The following SGCD variants were observed in gnomAD, a reference collection of about 807,000 sequenced individuals.
SGCD encodes sarcoglycan delta.
Under a neutral mutation model 36.6 loss-of-function variants are expected in SGCD, and 18 were observed. That is an observed-to-expected ratio of 0.49 (90% confidence interval 0.34 to 0.73). SGCD has a LOEUF of 0.73. Among genes scored for constraint, SGCD ranks in the 30% least tolerant of loss-of-function variants. The pLI is 0.01. For missense variants in SGCD, 387 were observed against 346.7 expected, an observed-to-expected ratio of 1.12 and a Z score of -0.92; for synonymous variants, 133 against 130.6, an observed-to-expected ratio of 1.02 and a Z score of -0.12.
At chr5:156,362,246 G>T (rs1393233317) in intron 3 of SGCD, among the ~76,000 whole-genome samples, 2 of 152,178 alleles carry the variant, frequency 1.3e-5, no homozygotes, top group African/African-American at 4.8e-5. Flanking sequence ...GATTTGTATG[G>T]TGTGATGCTT....
chr5:156,365,075 T>C (rs535236105), intron 3 of SGCD, among the ~76,000 whole-genome samples: 1 of 152,308 alleles, frequency 6.6e-6, no homozygotes, highest in African/African-American at 2.4e-5. Flanking sequence ...AGTATAAAAA[T>C]GTGCAACTCA....
chr5:155,739,185 A>G, the SGCD span, among the ~76,000 whole-genome samples: 2 of 152,208 alleles, frequency 1.3e-5, no homozygotes, highest in East Asian at 3.8e-4. Context: ...CTGCCCTTGA[A>G]GAATATGGAG....
intron 4 of SGCD, among the ~76,000 whole-genome samples, chr5:156,572,347 C>A: frequency 6.6e-6 from 1 of 152,114 alleles, no homozygotes; most frequent in South Asian, 2.1e-4. Flanking sequence ...GCAGTCGCAC[C>A]CTTTTACATT....
At chr5:156,029,944 C>T (rs1323112158) in intron 1 of SGCD, among the ~76,000 whole-genome samples, 6 of 152,168 alleles carry the variant, frequency 3.9e-5, no homozygotes, top group Non-Finnish European at 7.3e-5. Context: ...CCCCAGAAAG[C>T]CTTCGCCAAG....
At position 156,408,593 on chromosome 5, in the gene SGCD, A is replaced by G. The variant is rs571469503; in HGVS notation, c.192+63916A>G. Among the ~76,000 whole-genome samples, 6 of 152,280 alleles carry G rather than the reference A, an allele frequency of 3.9e-5. No individual in the cohort carries two copies. In the South Asian group the frequency reaches 1.2e-3, roughly 32 times the overall value. ...AGGCTGGTCTTGAGCTCCTGACCTC[A>G]GGTGATCCACCTACCTCCACCTCCC... On this transcript the variant is annotated intron_variant, in intron 3 of 8. Coordinates refer to ENST00000337851, the MANE Select transcript of SGCD (RefSeq NM_000337.6).
intron 3 of SGCD, among the ~76,000 whole-genome samples, chr5:156,202,447 G>A (rs534758329): frequency 6.6e-6 from 1 of 152,264 alleles, no homozygotes; most frequent in East Asian, 1.9e-4. Flanking sequence ...TGAAAGAGGT[G>A]TTAGGCTAAT....
chr5:156,123,492 AT>A (rs978883978), intron 2 of SGCD, among the ~76,000 whole-genome samples: 6 of 152,240 alleles, frequency 3.9e-5, no homozygotes, highest in South Asian at 2.1e-4. Context: ...TGTTAAACAC[AT>A]TGTTTTTGTA....
chr5:156,338,805 T>G (rs191920534), intron 2 of SGCD, among the ~76,000 whole-genome samples: 17 of 152,188 alleles, frequency 1.1e-4, no homozygotes, highest in Non-Finnish European at 1.6e-4. Flanking sequence ...CACTGAGGTG[T>G]TGGTGGTGGT....
intron 2 of SGCD, among the ~76,000 whole-genome samples, chr5:156,330,712 C>T (rs1768030300): frequency 6.6e-6 from 1 of 152,112 alleles, no homozygotes; most frequent in Non-Finnish European, 1.5e-5. Context: ...GGACTTCATA[C>T]ATGTGTTAAC....
chr5:156,183,015 C>T (rs1763646254), intron 3 of SGCD, among the ~76,000 whole-genome samples: 2 of 152,176 alleles, frequency 1.3e-5, no homozygotes, highest in Non-Finnish European at 1.5e-5. Flanking sequence ...CATGGTGGCT[C>T]ATGCCTGTAA....
At chr5:156,104,197 G>T (rs1461456972) in intron 1 of SGCD, among the ~76,000 whole-genome samples, 14 of 152,046 alleles carry the variant, frequency 9.2e-5, no homozygotes, top group Admixed American at 9.2e-4. Flanking sequence ...AGACTCTTAG[G>T]TTACATGAGA....
intron 3 of SGCD, among the ~76,000 whole-genome samples, chr5:156,441,955 C>A (rs1201764926): frequency 6.6e-6 from 1 of 152,098 alleles, no homozygotes; most frequent in Non-Finnish European, 1.5e-5. Context: ...ACTTTTCTAA[C>A]TGTGAAGTTA....
Position 156,695,112 on chromosome 5 carries a change from T to TTGTGTG in SGCD, c.575+47596_575+47601dup, listed in dbSNP as rs370137233. Among the ~76,000 whole-genome samples, 273 of 129,034 alleles carry TTGTGTG rather than the reference T, an allele frequency of 2.1e-3. 1 individual carries two copies. Among genetic ancestry groups the TTGTGTG allele is most frequent in the African/African-American group, 7.1e-3 (255 of 35,816 alleles). 84.7% of individuals were successfully genotyped at this position (129,034 alleles called of 152,430 possible). On this transcript the variant is annotated intron_variant, in intron 7 of 8. Coordinates refer to ENST00000337851, the MANE Select transcript of SGCD (RefSeq NM_000337.6). ...GTTCTTAATTTCAAAGGTACTGTGT[T>TTGTGTG]TGTGTGTGTGTGTGTGTGTGTGTGT...
At chr5:156,338,340 G>C (rs899036990) in intron 2 of SGCD, among the ~76,000 whole-genome samples, 1 of 152,174 alleles carries the variant, frequency 6.6e-6, no homozygotes, top group Non-Finnish European at 1.5e-5. Context: ...CCACTTCAAC[G>C]GTATTAGACT....
intron 3 of SGCD, among the ~76,000 whole-genome samples, chr5:156,138,056 G>C (rs79048803): frequency 0.02 from 3,107 of 152,178 alleles, 45 homozygotes; most frequent in Non-Finnish European, 0.034. Context: ...TCATTCAGTC[G>C]TGATATTTTC....
At chr5:156,115,373 G>A (rs1258738064) in intron 1 of SGCD, among the ~76,000 whole-genome samples, 1 of 151,872 alleles carries the variant, frequency 6.6e-6, no homozygotes, top group Non-Finnish European at 1.5e-5. Flanking sequence ...AAAGTAAGGG[G>A]ATAGGGTAGT....
rs75598304 is a variant in SGCD, at chr5:156,715,494, C to T, written c.576-42087C>T. Among the ~76,000 whole-genome samples the T allele has an allele frequency of 2.8e-3, 429 of 152,298 alleles. 3 individuals are homozygous for T. Among genetic ancestry groups the T allele is most frequent in the Non-Finnish European group, 4.2e-3 (285 of 68,014 alleles). ...GTTGGCTTTCCCCCATCCTGAGTGA[C>T]TAATCCATGCCGCCATTTCATCATC... On this transcript the variant is annotated intron_variant, in intron 7 of 8. Transcript: ENST00000337851.
chr5:156,079,914 G>A (rs989095736), intron 1 of SGCD, among the ~76,000 whole-genome samples: 86 of 152,232 alleles, frequency 5.6e-4, no homozygotes, highest in African/African-American at 1.9e-3. Flanking sequence ...TGCCCACTGT[G>A]TGGGGCCTTC....
upstream of SGCD, among the ~76,000 whole-genome samples, chr5:156,321,810 T>TA (rs1767678791): frequency 6.6e-6 from 1 of 152,120 alleles, no homozygotes; most frequent in Non-Finnish European, 1.5e-5. Flanking sequence ...AAGAGGGAGA[T>TA]AGAGTCTTGA....
Sources: allele counts gnomAD v4.1 joint callset (sites outside exome capture counted in the v4.1 genomes callset), GRCh38; gene constraint gnomAD v4.1.1; transcripts MANE v1.5; gene names NCBI Gene and HGNC (gene_info 2026-07-23, HGNC 2026-07-21).